PTCSC3: variants seen among roughly 807,000 people sequenced by gnomAD.
PTCSC3 encodes papillary thyroid carcinoma susceptibility candidate 3 (non-protein coding).
intron 2 of PTCSC3, among the ~76,000 whole-genome samples, chr14:36,155,150 A>G (rs927002590): frequency 1.2e-4 from 18 of 152,160 alleles, no homozygotes; most frequent in African/African-American, 4.3e-4. Flanking sequence ...AGCTATAATT[A>G]CCTCATTATT....
At chr14:36,164,828 A>C (rs576598587) in intron 1 of PTCSC3, among the ~76,000 whole-genome samples, 14 of 152,334 alleles carry the variant, frequency 9.2e-5, no homozygotes, top group African/African-American at 3.4e-4. Flanking sequence ...AGAAAATGAT[A>C]TCTTTATTAA....
At chr14:36,143,976 T>C in intron 3 of PTCSC3, among the ~76,000 whole-genome samples, 2 of 152,164 alleles carry the variant, frequency 1.3e-5, no homozygotes, top group Non-Finnish European at 2.9e-5. Context: ...TGTAGTTATG[T>C]GGCGTTACTT....
chr14:36,158,646 T>G (rs1237022900), intron 2 of PTCSC3, among the ~76,000 whole-genome samples: 1 of 152,196 alleles, frequency 6.6e-6, no homozygotes, highest in Non-Finnish European at 1.5e-5. Context: ...GCTGCTGGAT[T>G]TGGTTTGCCA....
chr14:36,151,573 CTTATA>C (rs1881724733), intron 3 of PTCSC3, among the ~76,000 whole-genome samples: 1 of 152,122 alleles, frequency 6.6e-6, no homozygotes, highest in African/African-American at 2.4e-5. Flanking sequence ...TTATGATAAT[CTTATA>C]TTATTTTGTG....
downstream of PTCSC3, among the ~76,000 whole-genome samples, chr14:36,135,289 G>A (rs1881260714): frequency 1.3e-5 from 2 of 152,186 alleles, no homozygotes; most frequent in South Asian, 4.1e-4. Flanking sequence ...GTGTGTGCAT[G>A]TGTGTGTTTT....
chr14:36,143,258 G>C (rs1881469169), intron 3 of PTCSC3, among the ~76,000 whole-genome samples: 1 of 138,584 alleles, frequency 7.2e-6, no homozygotes, highest in African/African-American at 2.7e-5. Flanking sequence ...GGTTGAACTA[G>C]TTTACAGTCC....
At chr14:36,164,051 G>C (rs1361473200) in intron 1 of PTCSC3, 1 of 152,184 alleles carries the variant, frequency 6.6e-6, no homozygotes, top group African/African-American at 2.4e-5. Flanking sequence ...AACATTTGGA[G>C]AATTTCACTG....
Position 36,141,099 on chromosome 14 carries a change from C to T in PTCSC3, n.323-4743G>A, listed in dbSNP as rs536007102. ...TGTTCATAAGTGTAAATCAATTTGT[C>T]TATTTTTTAAATTAATACCACATCA... On this transcript the variant is annotated intron_variant and non_coding_transcript_variant, in intron 3 of 3. Coordinates refer to ENST00000556013, the Ensembl canonical transcript of PTCSC3. 6.8e-4 allele frequency among the ~76,000 whole-genome samples: 104 copies of T among 152,192 alleles called. No individual in the cohort carries two copies. In the South Asian group the frequency reaches 0.02, roughly 30 times the overall value.
intron 2 of PTCSC3, among the ~76,000 whole-genome samples, chr14:36,157,027 C>G (rs753101558): frequency 6.6e-6 from 1 of 152,196 alleles, no homozygotes; most frequent in African/African-American, 2.4e-5. Flanking sequence ...TACCCTCCCA[C>G]CAACAGTGTA....
At chr14:36,171,593 C>A in intron 1 of PTCSC3, among the ~76,000 whole-genome samples, 1 of 152,090 alleles carries the variant, frequency 6.6e-6, no homozygotes, top group African/African-American at 2.4e-5. Context: ...TGGATGGTAG[C>A]TTCTATAATC....
chr14:36,139,834 T>C (rs1881378473), intron 3 of PTCSC3, among the ~76,000 whole-genome samples: 1 of 152,238 alleles, frequency 6.6e-6, no homozygotes, highest in African/African-American at 2.4e-5. Flanking sequence ...TGATAGATTA[T>C]TATTAACTAA....
intron 2 of PTCSC3, among the ~76,000 whole-genome samples, chr14:36,156,380 C>T (rs1452455980): frequency 6.6e-6 from 1 of 152,202 alleles, no homozygotes; most frequent in Non-Finnish European, 1.5e-5. Flanking sequence ...GGTACATTTA[C>T]TTTGTCACCA....
chr14:36,151,486 TCTC>T (rs1194434118), intron 3 of PTCSC3, among the ~76,000 whole-genome samples: 7 of 152,326 alleles, frequency 4.6e-5, no homozygotes, highest in Non-Finnish European at 7.3e-5. Flanking sequence ...CTTTCATTCT[TCTC>T]CTAGTATTCC....
chr14:36,141,253 T>C (rs911667320), intron 3 of PTCSC3, among the ~76,000 whole-genome samples: 1 of 152,154 alleles, frequency 6.6e-6, no homozygotes, highest in Non-Finnish European at 1.5e-5. Context: ...TAGAATCAAT[T>C]TGTTGATATT....
chr14:36,136,628 A>T (rs928622765), intron 3 of PTCSC3, among the ~76,000 whole-genome samples: 1 of 152,212 alleles, frequency 6.6e-6, no homozygotes, highest in Non-Finnish European at 1.5e-5. Flanking sequence ...CTATTTACCC[A>T]GTAATTATGC....
intron 1 of PTCSC3, among the ~76,000 whole-genome samples, chr14:36,171,438 G>T (rs576936021): frequency 2.0e-4 from 30 of 152,128 alleles, no homozygotes; most frequent in Non-Finnish European, 4.0e-4. Context: ...ACTGAAATCT[G>T]AATGTCATTA....
intron 3 of PTCSC3, among the ~76,000 whole-genome samples, chr14:36,143,122 G>T (rs1410676907): frequency 6.6e-6 from 1 of 150,416 alleles, no homozygotes; most frequent in African/African-American, 2.4e-5. Context: ...AAACATACGT[G>T]TGCATGTGTC....
intron 2 of PTCSC3, among the ~76,000 whole-genome samples, chr14:36,162,282 A>AAC (rs1566509718): frequency 4.7e-5 from 6 of 128,032 alleles, no homozygotes; most frequent in Non-Finnish European, 1.1e-4. Context: ...AAAAAAAAAA[A>AAC]AAACTCCTGC....
intron 2 of PTCSC3, among the ~76,000 whole-genome samples, chr14:36,158,714 C>T (rs1019894163): frequency 4.6e-5 from 7 of 152,074 alleles, no homozygotes; most frequent in South Asian, 2.1e-4. Context: ...CTGAAATTTT[C>T]GTTTTTGGTT....
Sources: allele counts gnomAD v4.1 joint callset (sites outside exome capture counted in the v4.1 genomes callset), GRCh38; gene constraint gnomAD v4.1.1; transcripts MANE v1.5; gene names NCBI Gene and HGNC (gene_info 2026-07-23, HGNC 2026-07-21).